UBE3D: variants seen among roughly 807,000 people sequenced by gnomAD.
The protein encoded by UBE3D is ubiquitin protein ligase E3D, also known as E3 ubiquitin-protein ligase E3D.
UBE3D carries 48 observed loss-of-function variants against 49.6 expected under a neutral mutation model. The ratio of observed to expected loss-of-function variants is 0.97; its 90% CI spans 0.77 to 1.23. The LOEUF is 1.23. Ranked by LOEUF, UBE3D falls within the 50% of genes most tolerant of loss-of-function variation. The pLI, the probability that UBE3D is intolerant of heterozygous loss-of-function variation, is 0.00. For synonymous variants in UBE3D, 189 were observed against 174.2 expected (o/e 1.08, Z -0.67); for missense variants, 452 against 468.4 (o/e 0.96, Z 0.32).
At chr6:82,920,735 T>C (rs1388009302) in intron 9 of UBE3D, among the ~76,000 whole-genome samples, 1 of 152,182 alleles carries the variant, frequency 6.6e-6, no homozygotes, top group Non-Finnish European at 1.5e-5. Context: ...TTATTTCCTT[T>C]CTCTTGACTG....
At chr6:83,014,396 C>A (rs1313396600) in intron 8 of UBE3D, among the ~76,000 whole-genome samples, 1 of 152,218 alleles carries the variant, frequency 6.6e-6, no homozygotes, top group East Asian at 1.9e-4. Flanking sequence ...GACCCTTGCC[C>A]TACAGTCAGG....
intron 2 of UBE3D, 69 bp from the exon 3 acceptor site, chr6:83,054,307 C>T: frequency 8.5e-7 from 1 of 1,173,218 alleles, no homozygotes; most frequent in Non-Finnish European, 1.3e-6. Flanking sequence ...TTAAACAGTT[C>T]AATAGCCACG....
intron 9 of UBE3D, among the ~76,000 whole-genome samples, chr6:82,921,574 G>A (rs761752568): frequency 3.3e-5 from 5 of 152,178 alleles, no homozygotes; most frequent in Non-Finnish European, 7.4e-5. Context: ...AGAGGCAGAT[G>A]GTGAATGAAG....
chr6:82,939,675 A>G (rs1774863227), intron 9 of UBE3D, among the ~76,000 whole-genome samples: 1 of 152,186 alleles, frequency 6.6e-6, no homozygotes, highest in South Asian at 2.1e-4. Flanking sequence ...AGACTGTCCC[A>G]GCCCATCTAG....
At chr6:83,031,643 C>G (rs529807359) in intron 5 of UBE3D, among the ~76,000 whole-genome samples, 1 of 152,156 alleles carries the variant, frequency 6.6e-6, no homozygotes, top group Non-Finnish European at 1.5e-5. Flanking sequence ...CAGAAATTTG[C>G]GTAAGTAACA....
intron 9 of UBE3D, among the ~76,000 whole-genome samples, chr6:82,903,178 G>A (rs558142685): frequency 1.4e-4 from 22 of 151,778 alleles, no homozygotes; most frequent in Non-Finnish European, 2.4e-4. Flanking sequence ...GTAGAGATGC[G>A]GTCTTACTTT....
At position 82,996,222 on chromosome 6, in the gene UBE3D, C is replaced by G. The variant is rs570888132; in HGVS notation, c.1010+22751G>C. ...TGTGAGATCAGAAAGCAAGGAGGTG[C>G]TCAAAAATCAAAAGTATGAGGTTAG... On this transcript the variant is annotated intron_variant, in intron 8 of 9. Transcript: ENST00000369747. Among the ~76,000 whole-genome samples, 7 of 151,952 alleles carry G rather than the reference C, an allele frequency of 4.6e-5. No individual in the cohort carries two copies. In the South Asian group the frequency reaches 1.5e-3, roughly 32 times the overall value.
intron 3 of UBE3D, among the ~76,000 whole-genome samples, chr6:83,052,518 TG>T (rs1420907287): frequency 6.6e-6 from 1 of 151,922 alleles, no homozygotes; most frequent in Non-Finnish European, 1.5e-5. Flanking sequence ...AGACAGAGTG[TG>T]GGGTGCATTC....
chr6:83,047,507 G>A (rs899905914), intron 3 of UBE3D, among the ~76,000 whole-genome samples: 3 of 152,182 alleles, frequency 2.0e-5, no homozygotes, highest in Admixed American at 2.0e-4. Context: ...CTGGAACTAC[G>A]TCGTGTGGGG....
rs151054939 is a variant in UBE3D at position 83,044,557 on chromosome 6, C to T, written c.468G>A (p.Pro156=). 525 of 1,614,084 alleles carry T rather than the reference C, an allele frequency of 3.3e-4. 1 individual carries two copies. The African/African-American group carries it at 5.7e-3, about 17-fold the overall frequency. The part of the protein sequence containing the change: ...PDPFANKSLH[P]QENDCFIGDS... Reference sequence around the variant, plus strand: ...CTCCAATAAAACAGTCATTCTCTTGCGGATGAAGTGATTTATTAGCAAAGG... The same window carrying T: ...CTCCAATAAAACAGTCATTCTCTTGTGGATGAAGTGATTTATTAGCAAAGG... The change falls in exon 4 of 10, where the codon CCG becomes CCA. Residue 156 remains proline (P), a synonymous_variant. Coordinates refer to ENST00000369747, the MANE Select transcript of UBE3D (RefSeq NM_198920.3).
At chr6:83,039,349 A>G (rs950565796) in intron 4 of UBE3D, among the ~76,000 whole-genome samples, 4 of 152,218 alleles carry the variant, frequency 2.6e-5, no homozygotes, top group Non-Finnish European at 4.4e-5. Context: ...GTGGGATAAT[A>G]TGTGTATTTA....
At chr6:82,959,175 T>C (rs1022527178) in intron 8 of UBE3D, among the ~76,000 whole-genome samples, 2 of 149,462 alleles carry the variant, frequency 1.3e-5, no homozygotes, top group Non-Finnish European at 3.0e-5. Context: ...TTTAGAAAAA[T>C]AGAAAATTTT....
chr6:82,992,681 G>C (rs552288119), intron 8 of UBE3D, among the ~76,000 whole-genome samples: 4 of 152,130 alleles, frequency 2.6e-5, no homozygotes, highest in Non-Finnish European at 4.4e-5. Context: ...CCCTGGCTGT[G>C]TGTGTATACT....
chr6:83,001,537 C>A (rs1779636043), intron 8 of UBE3D, among the ~76,000 whole-genome samples: 1 of 152,154 alleles, frequency 6.6e-6, no homozygotes, highest in Non-Finnish European at 1.5e-5. Flanking sequence ...GTAGCCTTAG[C>A]TTTAGCTTCT....
intron 3 of UBE3D, among the ~76,000 whole-genome samples, chr6:83,044,971 CATACT>C (rs1348742383): frequency 6.6e-6 from 1 of 152,142 alleles, no homozygotes; most frequent in African/African-American, 2.4e-5. Context: ...CGTGAATAAA[CATACT>C]ATATCTTGCT....
At chr6:82,905,005 T>C (rs1204006016) in intron 9 of UBE3D, among the ~76,000 whole-genome samples, 1 of 152,156 alleles carries the variant, frequency 6.6e-6, no homozygotes, top group African/African-American at 2.4e-5. Flanking sequence ...GCAACACTCC[T>C]AGGGATTCAA....
intron 8 of UBE3D, among the ~76,000 whole-genome samples, chr6:82,990,553 C>T (rs1778815330): frequency 6.6e-6 from 1 of 152,216 alleles, no homozygotes; most frequent in Non-Finnish European, 1.5e-5. Flanking sequence ...GCTGGGATTA[C>T]AGGCATGAGC....
chr6:82,881,691 C>G, the UBE3D span, among the ~76,000 whole-genome samples: 1 of 152,190 alleles, frequency 6.6e-6, no homozygotes, highest in Non-Finnish European at 1.5e-5. Context: ...TTCTCTTTCT[C>G]TGTCCCAGCT....
At chr6:83,011,774 T>G (rs575317881) in intron 8 of UBE3D, among the ~76,000 whole-genome samples, 1 of 152,204 alleles carries the variant, frequency 6.6e-6, no homozygotes, top group East Asian at 1.9e-4. Flanking sequence ...AGACCTCTAG[T>G]CCAGTGGAAA....
Sources: allele counts gnomAD v4.1 joint callset (sites outside exome capture counted in the v4.1 genomes callset), GRCh38; gene constraint gnomAD v4.1.1; transcripts MANE v1.5; gene names NCBI Gene and HGNC (gene_info 2026-07-23, HGNC 2026-07-21).